Variants in FARS2 observed in about 807,000 individuals in gnomAD.
FARS2 encodes phenylalanine--tRNA ligase, mitochondrial.
In FARS2, 40 loss-of-function variants were observed where a neutral mutation model predicts 46.4. The observed-to-expected ratio is 0.86, with a 90% CI of 0.67 to 1.12. The LOEUF (loss-of-function observed/expected upper bound fraction) is 1.12, where lower values mean the gene tolerates loss of function less well. FARS2 is among the 50% of genes most tolerant of loss of function. The pLI, the probability that FARS2 is intolerant of heterozygous loss-of-function variation, is 0.00. For synonymous variants in FARS2, 234 were observed against 214.9 expected, an observed-to-expected ratio of 1.09 and a Z score of -0.78; for missense variants, 513 against 567.9, an observed-to-expected ratio of 0.90 and a Z score of 0.98.
At chr6:5,723,878 A>G (rs1350038094) in intron 6 of FARS2, among the ~76,000 whole-genome samples, 26 of 152,180 alleles carry the variant, frequency 1.7e-4, no homozygotes, top group Admixed American at 1.6e-3. Flanking sequence ...TGAATTTTAG[A>G]AGCGGCCACA....
Position 5,688,999 on chromosome 6 carries a change from A to G in FARS2, c.1217+75679A>G, listed in dbSNP as rs1412304554. Among the ~76,000 whole-genome samples, 4 of 152,188 alleles carry G rather than the reference A, an allele frequency of 2.6e-5. 1 individual carries two copies. In the South Asian group the frequency reaches 6.2e-4, roughly 24 times the overall value. Reference sequence around the variant, plus strand: ...CTAGTTTATTTGCATAGAGGTGTTTATAGTATTCTCTGATGGTAGTTTGTA... The same window carrying G: ...CTAGTTTATTTGCATAGAGGTGTTTGTAGTATTCTCTGATGGTAGTTTGTA... On this transcript the variant is annotated intron_variant, in intron 6 of 6. Coordinates refer to ENST00000274680, the MANE Select transcript of FARS2 (RefSeq NM_006567.5).
At chr6:5,754,246 T>A (rs1762096331) in intron 6 of FARS2, among the ~76,000 whole-genome samples, 1 of 152,218 alleles carries the variant, frequency 6.6e-6, no homozygotes, top group South Asian at 2.1e-4. Flanking sequence ...AGTGGGTCCG[T>A]GTGCCTTCAG....
At chr6:5,581,109 A>G (rs1241046998) in intron 5 of FARS2, among the ~76,000 whole-genome samples, 1 of 152,258 alleles carries the variant, frequency 6.6e-6, no homozygotes, top group Non-Finnish European at 1.5e-5. Flanking sequence ...TACAGAGGAC[A>G]AGAAGCCATT....
chr6:5,712,937 G>T (rs372498407), intron 6 of FARS2, among the ~76,000 whole-genome samples: 2 of 152,228 alleles, frequency 1.3e-5, no homozygotes, highest in African/African-American at 4.8e-5. Flanking sequence ...TACAAAAAGC[G>T]TACCTGTAGA....
intron 6 of FARS2, among the ~76,000 whole-genome samples, chr6:5,688,074 T>G (rs1247546636): frequency 6.6e-6 from 1 of 152,254 alleles, no homozygotes; most frequent in East Asian, 1.9e-4. Context: ...TTGCTGAAGT[T>G]GCCTATCAGC....
At chr6:5,684,408 T>C (rs1432729590) in intron 6 of FARS2, among the ~76,000 whole-genome samples, 2 of 152,354 alleles carry the variant, frequency 1.3e-5, no homozygotes, top group East Asian at 3.9e-4. Flanking sequence ...GATGTCCTTA[T>C]GAATCCCTGA....
intron 6 of FARS2, among the ~76,000 whole-genome samples, chr6:5,666,964 A>G (rs900033287): frequency 1.3e-5 from 2 of 152,212 alleles, no homozygotes; most frequent in Non-Finnish European, 2.9e-5. Flanking sequence ...AAACTAACAC[A>G]GGAAGAGAAA....
chr6:5,359,842 T>A (rs1357949355), intron 1 of FARS2, among the ~76,000 whole-genome samples: 1 of 152,246 alleles, frequency 6.6e-6, no homozygotes, highest in African/African-American at 2.4e-5. Flanking sequence ...CTGTAGACAC[T>A]CTCATGTGCC....
intron 6 of FARS2, among the ~76,000 whole-genome samples, chr6:5,619,069 TG>T (rs1388112935): frequency 6.6e-6 from 1 of 152,202 alleles, no homozygotes; most frequent in African/African-American, 2.4e-5. Context: ...CTTAGCAAAA[TG>T]GGGTATGAGG....
chr6:5,332,749 A>G (rs1581803854), intron 1 of FARS2, among the ~76,000 whole-genome samples: 1 of 152,310 alleles, frequency 6.6e-6, no homozygotes. Context: ...AGTCATCTGT[A>G]TATTGCACAT....
At chr6:5,316,719 A>G (rs1769544956) in intron 1 of FARS2, among the ~76,000 whole-genome samples, 1 of 152,210 alleles carries the variant, frequency 6.6e-6, no homozygotes. Flanking sequence ...TACTTCCAGG[A>G]GTCTCACCAG....
intron 6 of FARS2, among the ~76,000 whole-genome samples, chr6:5,664,143 CAGAA>C (rs1777988496): frequency 6.6e-6 from 1 of 152,212 alleles, no homozygotes. Flanking sequence ...ATTTTAGAAA[CAGAA>C]AGCTTAATGT....
At chr6:5,310,121 T>G (rs957883081) in intron 1 of FARS2, among the ~76,000 whole-genome samples, 6 of 152,114 alleles carry the variant, frequency 3.9e-5, no homozygotes, top group Non-Finnish European at 8.8e-5. Flanking sequence ...CTAGGGAAAG[T>G]AGGTTTTCAA....
At chr6:5,684,440 C>T (rs77374167) in intron 6 of FARS2, among the ~76,000 whole-genome samples, 4,394 of 152,270 alleles carry the variant, frequency 0.029, 203 homozygotes, top group African/African-American at 0.095. Context: ...ATTAAACTGG[C>T]ATGTCATTCT....
At chr6:5,310,915 C>G (rs1197792077) in intron 1 of FARS2, among the ~76,000 whole-genome samples, 1 of 152,226 alleles carries the variant, frequency 6.6e-6, no homozygotes, top group Non-Finnish European at 1.5e-5. Flanking sequence ...AGCAATCTCA[C>G]TTGAGTGGAG....
chr6:5,375,573 T>C (rs1007810576), intron 2 of FARS2, among the ~76,000 whole-genome samples: 2 of 152,086 alleles, frequency 1.3e-5, no homozygotes, highest in African/African-American at 2.4e-5. Context: ...TTAAAATTTA[T>C]AGAAAGAGCC....
chr6:5,338,240 A>G (rs762135224), intron 1 of FARS2, among the ~76,000 whole-genome samples: 2 of 152,186 alleles, frequency 1.3e-5, no homozygotes, highest in Non-Finnish European at 2.9e-5. Flanking sequence ...TATCTTTTTA[A>G]AAAATTATTC....
chr6:5,656,017 T>C (rs1195222789), intron 6 of FARS2, among the ~76,000 whole-genome samples: 1 of 152,222 alleles, frequency 6.6e-6, no homozygotes, highest in Non-Finnish European at 1.5e-5. Flanking sequence ...CTTATTACTC[T>C]GAAAACTGGA....
chr6:5,359,029 CCTTTTTTTT>C (rs1432180369), intron 1 of FARS2, among the ~76,000 whole-genome samples: 11 of 72,534 alleles, frequency 1.5e-4, no homozygotes, highest in East Asian at 1.3e-3. Flanking sequence ...GAAAAGATAC[CCTTTTTTTT>C]TTTTTTTTTT....
Sources: gnomAD v4.1 joint callset for allele counts (sites outside exome capture counted in the v4.1 genomes callset) on GRCh38, gnomAD v4.1.1 for gene constraint, MANE v1.5 for transcripts, NCBI Gene and HGNC (gene_info 2026-07-23, HGNC 2026-07-21) for gene names.